The following RNF34 variants were observed in gnomAD, a reference collection of about 807,000 sequenced individuals.
RNF34 encodes the protein ring finger protein 34.
Under a neutral mutation model 37.9 loss-of-function variants are expected in RNF34, and 12 were observed. The ratio of observed to expected loss-of-function variants is 0.32; its 90% CI spans 0.20 to 0.51. RNF34 has a LOEUF of 0.51. Ranked by LOEUF, RNF34 falls within the 20% of genes least tolerant of loss-of-function variation. The pLI is 0.97. For missense variants in RNF34, 362 were observed against 472.7 expected (o/e 0.77, Z 2.17); for synonymous variants, 155 against 177.2 (o/e 0.87, Z 1.00).
rs782505600 is a variant in RNF34 at position 121,423,501 on chromosome 12, G to C, written c.1044G>C (p.Lys348Asn). The change falls in exon 6 of 6, where the codon AAG becomes AAC. Residue 348 changes from lysine (K) to asparagine (N), a missense_variant. By Grantham distance (94) the Lys-to-Asn change is moderately conservative (BLOSUM62 0). Coordinates refer to ENST00000361234, the MANE Select transcript of RNF34 (RefSeq NM_025126.4). This position sits in a 1 kb window ranked among gnomAD's most constrained non-coding sequence, Gnocchi z 4.3. ...LECGHMVTCT[K>N]CGKRMSECPI... ...GTGGGCACATGGTTACCTGCACCAA[G>C]TGCGGCAAGCGCATGAGTGAGTGTC... 17 of 1,614,224 alleles carry C rather than the reference G, an allele frequency of 1.1e-5. No individual in the cohort carries two copies. The highest frequency in any genetic ancestry group is 1.7e-5 in the Admixed American group (1 of 60,028).
chr12:121,402,847 G>A (rs368630147), intron 1 of RNF34: 44 of 1,459,148 alleles, frequency 3.0e-5, no homozygotes, highest in Non-Finnish European at 4.0e-5. Context: ...TGTAATAATC[G>A]ATCAGTTTGG....
chr12:121,400,237 CG>C lies in RNF34; in HGVS notation c.6+21del. 2.5e-6 allele frequency: 4 copies of C among 1,607,534 alleles called. No individual in the cohort carries two copies. The highest frequency in any genetic ancestry group is 2.5e-6 in the Non-Finnish European group (3 of 1,178,014). On this transcript the variant is annotated intron_variant, in intron 1 of 5. Transcript: ENST00000361234. ...CATGAAGGTGAGGGGCCGGTGGAGC[CG>C]GACAGACCCTCCTCGCCAATCCTAT...
At chr12:121,404,876 A>G (rs1212825450) in intron 1 of RNF34, 4 of 152,262 alleles carry the variant, frequency 2.6e-5, no homozygotes, top group Non-Finnish European at 5.9e-5. Flanking sequence ...TAGATTATAC[A>G]CACACAGAAG....
rs548327206 is a variant in RNF34, at chr12:121,420,633, T to C, written c.783T>C (p.Leu261=). 1 of 1,614,124 alleles carries C rather than the reference T, an allele frequency of 6.2e-7. No individual in the cohort carries two copies. The highest frequency in any genetic ancestry group is 2.2e-5 in the East Asian group (1 of 44,888). ...VRASLSDLSS[L]DDVEGMSVRQ... is the part of the protein sequence containing the mutation. ...CTTCACTGTCTGACTTGTCAAGCCT[T>C]GATGATGTGGAAGGAATGAGCGTGC... is the stretch of plus-strand genomic sequence containing the variant. Residue 261 remains leucine, a synonymous_variant, in exon 5 of 6, where the codon CTT becomes CTC. Transcript: ENST00000361234.
At chr12:121,421,371 T>TAAAAAAAAAAA (rs11398833) in intron 5 of RNF34, among the ~76,000 whole-genome samples, 3 of 46,366 alleles carry the variant, frequency 6.5e-5, no homozygotes, top group Non-Finnish European at 1.3e-4. Context: ...ATCCCATCTC[T>TAAAAAAAAAAA]AAAAAAAAAA....
chr12:121,417,651 CAGTATCTCATTCTG>C lies in RNF34; in HGVS notation c.376_389del (p.Tyr126LysfsTer9), dbSNP rs782278790. On this transcript the variant is annotated frameshift_variant, in exon 3 of 6. Coordinates refer to ENST00000361234, the MANE Select transcript of RNF34 (RefSeq NM_025126.4). LOFTEE classifies it high-confidence loss of function. The surrounding 1 kb of genome is among the most constrained non-coding windows in gnomAD (Gnocchi z 5.0). The stretch of plus-strand genomic sequence containing the variant: ...GCGACTGAAGGTGAAGGACCTGCGG[CAGTATCTCATTCTG>C]AGAAATATACCCATAGATACTTGTC... The C allele has an allele frequency of 1.2e-6, 2 of 1,614,090 alleles. No individual in the cohort carries two copies. The highest frequency in any genetic ancestry group is 2.7e-5 in the African/African-American group (2 of 74,922).
intron 3 of RNF34, among the ~76,000 whole-genome samples, chr12:121,419,135 A>G (rs993189978): frequency 6.6e-6 from 1 of 152,204 alleles, no homozygotes; most frequent in Admixed American, 6.5e-5. Context: ...GTGGTTCTGT[A>G]AGATTATAAT....
At chr12:121,404,387 C>CTTTTTTTTTT (rs782225104) in intron 1 of RNF34, among the ~76,000 whole-genome samples, 23 of 65,848 alleles carry the variant, frequency 3.5e-4, no homozygotes, top group Non-Finnish European at 3.8e-4. Context: ...GTCATTTAAT[C>CTTTTTTTTTT]TTTTTTTTTT....
At chr12:121,420,879 G>A (rs1566235656) in intron 5 of RNF34, 101 bp downstream of exon 5, 1 of 862,574 alleles carries the variant, frequency 1.2e-6, no homozygotes, top group African/African-American at 1.7e-5. Context: ...TTTTGAGAAA[G>A]CTGTGTACCA....
In RNF34 at chr12:121,405,561, G is replaced by A. The variant is rs369581058; in HGVS notation, c.6+5343G>A. Among the ~76,000 whole-genome samples the A allele has an allele frequency of 2.5e-4, 38 of 151,868 alleles. 2 individuals are homozygous for A. The South Asian group carries it at 5.8e-3, about 23-fold the overall frequency. On this transcript the variant is annotated intron_variant, in intron 1 of 5. Transcript: ENST00000361234. ...TGCAGTGGTGCAATCTCTGCTTACCGCAACCTCCGTCTCCCAGGTTCAAGC... is the reference window on the plus strand; with the variant it reads ...TGCAGTGGTGCAATCTCTGCTTACCACAACCTCCGTCTCCCAGGTTCAAGC...
intron 1 of RNF34, among the ~76,000 whole-genome samples, chr12:121,401,904 A>G (rs1870032191): frequency 6.6e-6 from 1 of 152,206 alleles, no homozygotes; most frequent in Non-Finnish European, 1.5e-5. Context: ...GTGCCAGATG[A>G]CAGTTATAAA....
intron 1 of RNF34, among the ~76,000 whole-genome samples, chr12:121,415,958 T>C (rs1555282121): frequency 6.6e-6 from 1 of 151,680 alleles, no homozygotes; most frequent in African/African-American, 2.4e-5. Flanking sequence ...CAAGAGATCA[T>C]GGGTATTGGC....
intron 1 of RNF34, among the ~76,000 whole-genome samples, chr12:121,406,566 C>T (rs1193325612): frequency 6.6e-6 from 1 of 152,094 alleles, no homozygotes; most frequent in African/African-American, 2.4e-5. Flanking sequence ...GGATTACAGG[C>T]GTGAGCCACC....
At chr12:121,421,820 T>C (rs1201101795) in intron 5 of RNF34, among the ~76,000 whole-genome samples, 2 of 152,218 alleles carry the variant, frequency 1.3e-5, no homozygotes, top group African/African-American at 2.4e-5. Context: ...ACAAATCTTA[T>C]GTTCCTATCT....
Position 121,417,236 on chromosome 12 carries a change from C to A in RNF34, c.226-268C>A, listed in dbSNP as rs1555282307. On this transcript the variant is annotated intron_variant, in intron 2 of 5. Transcript: ENST00000361234. The surrounding 1 kb of genome is among the most constrained non-coding windows in gnomAD (Gnocchi z 5.0). ...TGTTTTGTTAATTACATGTTTATAC[C>A]AAGGGGTGGAAAGGTTTTAATTCAT... Among the ~76,000 whole-genome samples, 1 of 152,144 alleles carries A rather than the reference C, an allele frequency of 6.6e-6. No homozygotes were observed. Among genetic ancestry groups the A allele is most frequent in the Non-Finnish European group, 1.5e-5 (1 of 68,038 alleles).
intron 1 of RNF34, among the ~76,000 whole-genome samples, chr12:121,410,462 G>C (rs797023703): frequency 6.6e-6 from 1 of 151,794 alleles, no homozygotes; most frequent in Non-Finnish European, 1.5e-5. Flanking sequence ...GCTTGAACCC[G>C]GGAGGCAGAG....
rs1179651121 is a variant in RNF34 at position 121,417,431 on chromosome 12, G to C, written c.226-73G>C. 7.5e-7 allele frequency: 1 copy of C among 1,333,404 alleles called. No individual in the cohort carries two copies. Among genetic ancestry groups the C allele is most frequent in the African/African-American group, 1.5e-5 (1 of 68,064 alleles). The allele number at this position is 1,333,404 out of a possible 1,614,324, so 82.6% of individuals were successfully genotyped here. On this transcript the variant is annotated intron_variant, in intron 2 of 5. Coordinates refer to ENST00000361234, the MANE Select transcript of RNF34 (RefSeq NM_025126.4). This position sits in a 1 kb window ranked among gnomAD's most constrained non-coding sequence, Gnocchi z 5.0. ...TAAGAACTAAAATTAAATTTTAGTAGAAGGCAGAAAGAAAACTCATGCTTT... is the reference window on the plus strand; with the variant it reads ...TAAGAACTAAAATTAAATTTTAGTACAAGGCAGAAAGAAAACTCATGCTTT...
intron 1 of RNF34, among the ~76,000 whole-genome samples, chr12:121,404,580 C>G (rs1046186020): frequency 6.6e-6 from 1 of 151,306 alleles, no homozygotes; most frequent in African/African-American, 2.4e-5. Context: ...TAGTAGAGAC[C>G]GGGTTTCACC....
At chr12:121,401,696 C>G (rs1447727541) in intron 1 of RNF34, among the ~76,000 whole-genome samples, 2 of 151,882 alleles carry the variant, frequency 1.3e-5, no homozygotes, top group Non-Finnish European at 2.9e-5. Context: ...AACTAGCTAT[C>G]GAAGGAAAGA....
Sources: allele counts gnomAD v4.1 joint callset (sites outside exome capture counted in the v4.1 genomes callset), GRCh38; gene constraint gnomAD v4.1.1; non-coding constraint Gnocchi (gnomAD v3.1); transcripts MANE v1.5; gene names NCBI Gene and HGNC (gene_info 2026-07-23, HGNC 2026-07-21).